The following SHANK2 variants were observed in gnomAD, a reference collection of about 807,000 sequenced individuals.
The protein encoded by SHANK2 is SH3 and multiple ankyrin repeat domains 2.
A neutral mutation model predicts 133.7 loss-of-function variants in SHANK2; 43 were observed. That is an observed-to-expected ratio of 0.32 (90% CI 0.25 to 0.41). The LOEUF (loss-of-function observed/expected upper bound fraction) is 0.41. Ranked by LOEUF, SHANK2 falls within the 10% of genes least tolerant of loss-of-function variation. The pLI, the probability that SHANK2 is intolerant of heterozygous loss-of-function variation, is 1.00. For missense variants in SHANK2, 1,994 were observed against 2,235.8 expected (o/e 0.89, Z 2.18); for synonymous variants, 1,017 against 952.8 (o/e 1.07, Z -1.24).
At chr11:71,151,802 A>C (rs1183180553) in intron 2 of SHANK2, among the ~76,000 whole-genome samples, 1 of 152,164 alleles carries the variant, frequency 6.6e-6, no homozygotes, top group Non-Finnish European at 1.5e-5. Flanking sequence ...GAGACCGTCC[A>C]GGCTCCAAGC....
chr11:70,601,068 T>TCTATATC (rs781966152), intron 17 of SHANK2, among the ~76,000 whole-genome samples: 2 of 147,356 alleles, frequency 1.4e-5, no homozygotes, highest in Admixed American at 6.9e-5. Flanking sequence ...TATATCTATA[T>TCTATATC]TTGAGATGGA....
intron 14 of SHANK2, 84 bp downstream of exon 14, chr11:70,798,359 G>A (rs542962139): frequency 1.7e-4 from 121 of 701,400 alleles, no homozygotes; most frequent in Non-Finnish European, 2.8e-4. Context: ...CGCAACGGCC[G>A]AATCTTGCCA....
chr11:71,085,651 T>A (rs1455013463), intron 8 of SHANK2, among the ~76,000 whole-genome samples: 4 of 19,696 alleles, frequency 2.0e-4, no homozygotes, highest in South Asian at 2.2e-3. Context: ...TATATTATGT[T>A]ATATATTATA....
intron 14 of SHANK2, among the ~76,000 whole-genome samples, chr11:70,715,746 T>C (rs1565263993): frequency 6.6e-6 from 1 of 152,228 alleles, no homozygotes; most frequent in African/African-American, 2.4e-5. Flanking sequence ...GGAGTGTCCA[T>C]GCCGAAGCAG....
intron 10 of SHANK2, among the ~76,000 whole-genome samples, chr11:70,910,053 C>T (rs1272936026): frequency 2.6e-5 from 4 of 152,174 alleles, no homozygotes; most frequent in Admixed American, 1.3e-4. Flanking sequence ...CGTGGTCCCT[C>T]TCTGTGTGTC....
At chr11:70,801,608 A>G (rs1468170792) in intron 13 of SHANK2, among the ~76,000 whole-genome samples, 2 of 152,074 alleles carry the variant, frequency 1.3e-5, no homozygotes, top group Non-Finnish European at 2.9e-5. Flanking sequence ...AAGACTCCAC[A>G]CCCTGGGTAA....
chr11:71,197,682 G>A (rs775037322), intron 2 of SHANK2, among the ~76,000 whole-genome samples: 2 of 152,260 alleles, frequency 1.3e-5, no homozygotes, highest in Middle Eastern at 3.4e-3. Context: ...ACAGAGTCTC[G>A]CTCTGTCGCC....
intron 11 of SHANK2, among the ~76,000 whole-genome samples, chr11:70,845,092 A>G (rs1555062795): frequency 6.6e-6 from 1 of 150,464 alleles, no homozygotes; most frequent in Non-Finnish European, 1.5e-5. Context: ...CCAGCTACTC[A>G]GGAAGCTGAG....
intron 10 of SHANK2, chr11:70,951,055 T>C (rs1950828205): frequency 3.3e-6 from 1 of 299,362 alleles, no homozygotes; most frequent in Non-Finnish European, 6.4e-6. Flanking sequence ...ACTGCAGTGA[T>C]TAGCCCCATT....
intron 2 of SHANK2, among the ~76,000 whole-genome samples, chr11:71,187,678 G>A (rs903927597): frequency 2.0e-5 from 3 of 152,190 alleles, no homozygotes; most frequent in African/African-American, 7.2e-5. Flanking sequence ...AAGCCTCAGT[G>A]GGAGGCAGTA....
chr11:70,922,130 G>A (rs1410258043), intron 10 of SHANK2, among the ~76,000 whole-genome samples: 1 of 152,168 alleles, frequency 6.6e-6, no homozygotes, highest in Non-Finnish European at 1.5e-5. Flanking sequence ...AAAATCCAAC[G>A]TCTACAATTA....
At chr11:70,868,721 A>G (rs1419581275) in intron 11 of SHANK2, among the ~76,000 whole-genome samples, 4 of 152,254 alleles carry the variant, frequency 2.6e-5, no homozygotes, top group Non-Finnish European at 5.9e-5. Context: ...TGCCACGGCC[A>G]GTCCTAAGTC....
chr11:71,223,952 T>G (rs782337460), intron 2 of SHANK2, among the ~76,000 whole-genome samples: 1 of 152,166 alleles, frequency 6.6e-6, no homozygotes, highest in Non-Finnish European at 1.5e-5. Flanking sequence ...CACACAGATC[T>G]GTCTTTATGG....
At chr11:70,812,030 G>A (rs1314271860) in intron 12 of SHANK2, among the ~76,000 whole-genome samples, 2 of 152,222 alleles carry the variant, frequency 1.3e-5, no homozygotes, top group African/African-American at 2.4e-5. Context: ...CTGTGATAAC[G>A]CACTCTGCCA....
intron 17 of SHANK2, among the ~76,000 whole-genome samples, chr11:70,540,804 A>G (rs1339423553): frequency 4.2e-5 from 6 of 142,190 alleles, no homozygotes; most frequent in Admixed American, 3.7e-4. Flanking sequence ...AGCTGAAATC[A>G]CGCCACTGCA....
intron 17 of SHANK2, among the ~76,000 whole-genome samples, chr11:70,598,218 T>G (rs1431908502): frequency 2.0e-5 from 3 of 152,050 alleles, no homozygotes; most frequent in Non-Finnish European, 4.4e-5. Flanking sequence ...TGAGGTCATT[T>G]GTCGAATGAC....
intron 17 of SHANK2, among the ~76,000 whole-genome samples, chr11:70,621,927 G>T (rs2060834479): frequency 6.6e-6 from 1 of 152,034 alleles, no homozygotes; most frequent in Non-Finnish European, 1.5e-5. Flanking sequence ...CAGCTCTTCT[G>T]TCCACACAGG....
At chr11:70,602,204 T>G (rs1286206962) in intron 17 of SHANK2, among the ~76,000 whole-genome samples, 2 of 152,138 alleles carry the variant, frequency 1.3e-5, no homozygotes, top group African/African-American at 4.8e-5. Flanking sequence ...CCCTGAGCCC[T>G]CCCCAGAAGC....
At chr11:70,897,994 G>A (rs74464620) in intron 10 of SHANK2, among the ~76,000 whole-genome samples, 8,526 of 131,866 alleles carry the variant, frequency 0.065, 474 homozygotes, top group African/African-American at 0.16. Flanking sequence ...GCAGGGTCTT[G>A]TTCTGTCATC....
Sources: allele counts gnomAD v4.1 joint callset (sites outside exome capture counted in the v4.1 genomes callset), GRCh38; gene constraint gnomAD v4.1.1; transcripts MANE v1.5; gene names NCBI Gene and HGNC (gene_info 2026-07-23, HGNC 2026-07-21).